The following PTPRQ variants were observed in gnomAD, a reference collection of about 807,000 sequenced individuals.
The protein encoded by PTPRQ is phosphatidylinositol phosphatase PTPRQ.
A neutral mutation model predicts 246.0 loss-of-function variants in PTPRQ; 199 were observed. The ratio of observed to expected loss-of-function variants is 0.81; its 90% CI spans 0.72 to 0.91. The LOEUF (loss-of-function observed/expected upper bound fraction) is 0.91, where lower values mean the gene tolerates loss of function less well. PTPRQ is among the 40% of genes least tolerant of loss of function. PTPRQ has a pLI of 0.00. For missense variants in PTPRQ, 2,624 were observed against 2,528.4 expected, an observed-to-expected ratio of 1.04 and a Z score of -0.81; for synonymous variants, 869 against 853.2, an observed-to-expected ratio of 1.02 and a Z score of -0.32.
intron 38 of PTPRQ, among the ~76,000 whole-genome samples, chr12:80,655,795 T>C (rs1463435989): frequency 1.3e-5 from 2 of 152,226 alleles, no homozygotes; most frequent in Non-Finnish European, 2.9e-5. Context: ...TAATAGAATT[T>C]GAATTTTAGC....
intron 29 of PTPRQ, among the ~76,000 whole-genome samples, chr12:80,615,155 A>C (rs1380479141): frequency 6.6e-6 from 1 of 151,034 alleles, no homozygotes; most frequent in Non-Finnish European, 1.5e-5. Flanking sequence ...TAAAGAAATA[A>C]AAATAATGGA....
At chr12:80,545,464 A>T (rs1036408648) in intron 23 of PTPRQ, among the ~76,000 whole-genome samples, 2 of 152,094 alleles carry the variant, frequency 1.3e-5, no homozygotes, top group Non-Finnish European at 2.9e-5. Context: ...ATAATGTAAG[A>T]TTCCTACATT....
At chr12:80,599,686 T>G (rs1898079743) in intron 26 of PTPRQ, among the ~76,000 whole-genome samples, 1 of 151,728 alleles carries the variant, frequency 6.6e-6, no homozygotes, top group South Asian at 2.1e-4. Context: ...TAAAATAATT[T>G]TATATGTATT....
intron 25 of PTPRQ, among the ~76,000 whole-genome samples, chr12:80,562,107 G>T (rs1041231899): frequency 3.3e-5 from 5 of 152,080 alleles, no homozygotes; most frequent in African/African-American, 1.2e-4. Context: ...CCAGCCTTGG[G>T]ATTCTTACAC....
At chr12:80,627,454 G>C (rs59762086) in intron 33 of PTPRQ, among the ~76,000 whole-genome samples, 12,130 of 151,298 alleles carry the variant, frequency 0.08, 1,210 homozygotes, top group African/African-American at 0.23. Context: ...AGGAGGAAAA[G>C]ACTTTCCATT....
chr12:80,610,370 T>C (rs1290911136), intron 27 of PTPRQ, 69 bp from the exon 28 acceptor site: 18 of 1,343,518 alleles, frequency 1.3e-5, no homozygotes, highest in Non-Finnish European at 1.6e-5. Context: ...CGTAGCTTTG[T>C]ATTATTATGT....
chr12:80,445,462 T>A (rs1326001965), intron 2 of PTPRQ, 29 bp from the exon 3 acceptor site: 1 of 1,364,816 alleles, frequency 7.3e-7, no homozygotes, highest in Admixed American at 2.4e-5. Context: ...TTATTTGACC[T>A]TTTAACAAAA....
At chr12:80,534,641 G>T (rs190777519) in intron 18 of PTPRQ, among the ~76,000 whole-genome samples, 1 of 152,038 alleles carries the variant, frequency 6.6e-6, no homozygotes, top group African/African-American at 2.4e-5. Flanking sequence ...GCAGTGGACA[G>T]GTTTTAGAAC....
chr12:80,478,523 G>T (rs1168006936), intron 8 of PTPRQ, among the ~76,000 whole-genome samples: 1 of 152,200 alleles, frequency 6.6e-6, no homozygotes, highest in Non-Finnish European at 1.5e-5. Flanking sequence ...GAACAAAGCT[G>T]GACGGAGAAC....
At chr12:80,478,758 C>A (rs926332843) in intron 8 of PTPRQ, among the ~76,000 whole-genome samples, 4 of 152,022 alleles carry the variant, frequency 2.6e-5, no homozygotes, top group Non-Finnish European at 4.4e-5. Flanking sequence ...ATGCGATCAA[C>A]TGGAAGAAAG....
At chr12:80,460,413 T>C (rs1294319056) in intron 5 of PTPRQ, among the ~76,000 whole-genome samples, 1 of 152,212 alleles carries the variant, frequency 6.6e-6, no homozygotes, top group Non-Finnish European at 1.5e-5. Context: ...ACCTTTATTT[T>C]AAGCCACTTG....
At chr12:80,457,733 A>G (rs980423102) in intron 4 of PTPRQ, 89 bp downstream of exon 4, 2 of 397,558 alleles carry the variant, frequency 5.0e-6, no homozygotes, top group Non-Finnish European at 8.9e-6. Flanking sequence ...CTGACACTAA[A>G]ATACATATAA....
chr12:80,619,488 A>C lies in PTPRQ; in HGVS notation c.5335A>C (p.Ser1779Arg), dbSNP rs1350920434. 2.6e-6 allele frequency: 4 copies of C among 1,547,138 alleles called. No individual in the cohort carries two copies. The highest frequency in any genetic ancestry group is 1.7e-4 in the Middle Eastern group (1 of 5,986). The change falls in exon 31 of 45, where the codon AGT (serine) becomes CGT (arginine). Residue 1779 changes from serine to arginine, a missense_variant. By Grantham distance (110) the Ser-to-Arg change is moderately radical. Transcript: ENST00000644991. ...AATCAGAATGCCAATATGTTACTAC[A>C]GTGATGATCATGGACCAATAAAAAA... ...ITIRMPICYY[S>R]DDHGPIKNVQ...
At position 80,599,212 on chromosome 12, in the gene PTPRQ, T is replaced by A. The variant is rs142907711; in HGVS notation, c.4610-5847T>A. 2.0e-3 allele frequency among the ~76,000 whole-genome samples: 304 copies of A among 152,078 alleles called. 2 individuals are homozygous for A. Among genetic ancestry groups the A allele is most frequent in the African/African-American group, 7.1e-3 (295 of 41,536 alleles). ...AGCATGATAATCAGGAAATGATGGTTGTTAGTTACAGAAAATGCATTATGG... is the reference window on the plus strand; with the variant it reads ...AGCATGATAATCAGGAAATGATGGTAGTTAGTTACAGAAAATGCATTATGG... On this transcript the variant is annotated intron_variant, in intron 26 of 44. Coordinates refer to ENST00000644991, the MANE Select transcript of PTPRQ (RefSeq NM_001145026.2).
chr12:80,656,951 A>G (rs1190616045), intron 38 of PTPRQ, among the ~76,000 whole-genome samples: 1 of 151,734 alleles, frequency 6.6e-6, no homozygotes, highest in African/African-American at 2.4e-5. Flanking sequence ...AAATTTTCAG[A>G]AGAAACAGAA....
At chr12:80,556,640 A>G (rs551709057) in intron 25 of PTPRQ, among the ~76,000 whole-genome samples, 2 of 152,320 alleles carry the variant, frequency 1.3e-5, no homozygotes, top group East Asian at 1.9e-4. Context: ...ATCAAAGAAC[A>G]TTCCTCTTTT....
At chr12:80,526,389 G>A (rs1895687614) in intron 17 of PTPRQ, among the ~76,000 whole-genome samples, 1 of 152,122 alleles carries the variant, frequency 6.6e-6, no homozygotes, top group African/African-American at 2.4e-5. Context: ...TATTAGTGTG[G>A]TTTTTGTATG....
chr12:80,484,639 C>T (rs779784942), intron 9 of PTPRQ, 34 bp downstream of exon 9: 21 of 1,543,288 alleles, frequency 1.4e-5, no homozygotes, highest in Middle Eastern at 4.1e-4. Context: ...TTGGTGAACC[C>T]TTTCTGCTTG....
rs1414804628 is a variant in PTPRQ, at chr12:80,642,607, T to A, written c.5916-6290T>A. 3.9e-5 allele frequency among the ~76,000 whole-genome samples: 6 copies of A among 152,314 alleles called. No individual in the cohort carries two copies. The East Asian group carries it at 7.7e-4, about 20-fold the overall frequency. ...ACTTCTCATCTAAAAGGCCATTTCATCTTGTTTAAATAAAAATAAATAACA... is the reference window on the plus strand; with the variant it reads ...ACTTCTCATCTAAAAGGCCATTTCAACTTGTTTAAATAAAAATAAATAACA... On this transcript the variant is annotated intron_variant, in intron 35 of 44. Transcript: ENST00000644991.
Sources: allele counts gnomAD v4.1 joint callset (sites outside exome capture counted in the v4.1 genomes callset), GRCh38; gene constraint gnomAD v4.1.1; transcripts MANE v1.5; gene names NCBI Gene and HGNC (gene_info 2026-07-23, HGNC 2026-07-21).